Variants in PXDNL observed in about 807,000 individuals in gnomAD.
The protein encoded by PXDNL is probable oxidoreductase PXDNL.
Under a neutral mutation model 150.8 loss-of-function variants are expected in PXDNL, and 145 were observed. The ratio of observed to expected loss-of-function variants is 0.96; its 90% CI spans 0.84 to 1.10. PXDNL has a LOEUF of 1.10. Among genes scored for constraint, PXDNL ranks in the 50% least tolerant of loss-of-function variants. The pLI is 0.00. For missense variants in PXDNL, 2,087 were observed against 1,873.9 expected, an observed-to-expected ratio of 1.11 and a Z score of -2.10; for synonymous variants, 757 against 725.7, an observed-to-expected ratio of 1.04 and a Z score of -0.69.
chr8:51,780,574 C>T (rs751747531), intron 1 of PXDNL, among the ~76,000 whole-genome samples: 1 of 151,676 alleles, frequency 6.6e-6, no homozygotes, highest in Non-Finnish European at 1.5e-5. Context: ...AGCTTATAAA[C>T]GCATCTTACA....
intron 1 of PXDNL, among the ~76,000 whole-genome samples, chr8:51,696,390 A>G (rs1179471607): frequency 1.3e-5 from 2 of 152,232 alleles, no homozygotes; most frequent in East Asian, 3.9e-4. Flanking sequence ...AGCCAAGAAG[A>G]TTCTCACTAT....
chr8:51,571,254 C>A (rs189930278), intron 3 of PXDNL, among the ~76,000 whole-genome samples: 1 of 151,978 alleles, frequency 6.6e-6, no homozygotes, highest in East Asian at 1.9e-4. Flanking sequence ...GTTCAATCAT[C>A]ATTTTTGATT....
At chr8:51,529,026 G>A (rs1487728309) in intron 4 of PXDNL, among the ~76,000 whole-genome samples, 1 of 152,120 alleles carries the variant, frequency 6.6e-6, no homozygotes, top group East Asian at 1.9e-4. Flanking sequence ...TTATGGGAAC[G>A]AATATAGTTA....
intron 1 of PXDNL, among the ~76,000 whole-genome samples, chr8:51,662,154 T>C (rs929218069): frequency 2.0e-5 from 3 of 152,216 alleles, no homozygotes; most frequent in Non-Finnish European, 4.4e-5. Context: ...TCAATTATAA[T>C]TGGCCTTCCT....
Position 51,408,973 on chromosome 8 carries a change from C to G in PXDNL, c.2651G>C (p.Arg884Pro). 7 of 1,612,292 alleles carry G rather than the reference C, an allele frequency of 4.3e-6. No individual in the cohort carries two copies. The highest frequency in any genetic ancestry group is 1.7e-5 in the Admixed American group (1 of 60,026). Residue 884 changes from arginine to proline, a missense_variant, in exon 17 of 23, where the codon CGA (arginine) becomes CCA (proline). Coordinates refer to ENST00000356297, the MANE Select transcript of PXDNL (RefSeq NM_144651.5). ...GGCTGTTTGCTGGTTGATCTGCTCT[C>G]GTGCATAGACTGAATCCACCGTCGC... ...PSATVDSVYA[R>P]EQINQQTAYI...
intron 20 of PXDNL, among the ~76,000 whole-genome samples, chr8:51,341,861 T>A (rs1345712575): frequency 2.6e-5 from 4 of 152,186 alleles, no homozygotes; most frequent in Non-Finnish European, 5.9e-5. Context: ...TTGGTGGAAA[T>A]GTGGGTTGGA....
At chr8:51,753,357 C>A (rs1312894216) in intron 1 of PXDNL, among the ~76,000 whole-genome samples, 4 of 152,072 alleles carry the variant, frequency 2.6e-5, no homozygotes, top group Non-Finnish European at 5.9e-5. Context: ...GGCAGAATCC[C>A]TAACAAAGAG....
chr8:51,527,719 C>T (rs1368419531), intron 4 of PXDNL, among the ~76,000 whole-genome samples: 1 of 152,094 alleles, frequency 6.6e-6, no homozygotes, highest in African/African-American at 2.4e-5. Context: ...GGAGAGAGAA[C>T]CATCTGCAGG....
chr8:51,406,640 T>TA (rs1182072582), intron 17 of PXDNL, among the ~76,000 whole-genome samples: 2 of 152,188 alleles, frequency 1.3e-5, no homozygotes, highest in African/African-American at 2.4e-5. Context: ...TCTAGCCTCT[T>TA]ACACTTAAAC....
chr8:51,662,376 G>A (rs1815293111), intron 1 of PXDNL, among the ~76,000 whole-genome samples: 1 of 152,024 alleles, frequency 6.6e-6, no homozygotes, highest in Non-Finnish European at 1.5e-5. Flanking sequence ...AAATTAGCCG[G>A]GCATGGTGGC....
chr8:51,483,748 C>T lies in PXDNL; in HGVS notation c.453-34G>A, dbSNP rs1018734592. The T allele has an allele frequency of 3.4e-6, 4 of 1,170,398 alleles. No homozygotes were observed. The African/African-American group carries it at 4.7e-5, about 14-fold the overall frequency. 72.5% of individuals were successfully genotyped at this position (1,170,398 alleles called of 1,614,324 possible). On this transcript the variant is annotated intron_variant, in intron 5 of 22. Transcript: ENST00000356297. ...GAAAAGATAAACTTTAATCACCATA[C>T]AATAATAATGAATTTGACAAACAAA...
chr8:51,646,829 G>C (rs977922995), intron 2 of PXDNL, among the ~76,000 whole-genome samples: 4 of 152,068 alleles, frequency 2.6e-5, no homozygotes, highest in Non-Finnish European at 5.9e-5. Flanking sequence ...GAGAGATAGG[G>C]GACAACCGCA....
In PXDNL at chr8:51,565,321, A is replaced by ATAGATAGATAG. The variant is rs1812800504; in HGVS notation, c.309-8411_309-8410insCTATCTATCTA. ...AAATAAATAAATAAATAAATAAATA[A>ATAGATAGATAG]ATAGATAGATAGATAGATAGATAAA... On this transcript the variant is annotated intron_variant, in intron 3 of 22. Transcript: ENST00000356297. 2.4e-3 allele frequency among the ~76,000 whole-genome samples: 323 copies of ATAGATAGATAG among 135,562 alleles called. 1 individual carries two copies. The highest frequency in any genetic ancestry group is 9.7e-3 in the African/African-American group (302 of 31,184). 88.9% of individuals were successfully genotyped at this position (135,562 alleles called of 152,430 possible). A position where few individuals can be genotyped will look rare whatever the true frequency, so the allele number is the denominator to read the frequency against.
intron 19 of PXDNL, among the ~76,000 whole-genome samples, chr8:51,355,399 C>T (rs1049759812): frequency 2.6e-5 from 4 of 152,080 alleles, no homozygotes; most frequent in Non-Finnish European, 5.9e-5. Context: ...CTTAATGTGA[C>T]GTATGCAGCT....
chr8:51,592,122 A>G (rs147094808), intron 3 of PXDNL, among the ~76,000 whole-genome samples: 274 of 152,314 alleles, frequency 1.8e-3, no homozygotes, highest in Middle Eastern at 6.8e-3. Flanking sequence ...CCAATAATAC[A>G]CAAAAACCAT....
intron 5 of PXDNL, among the ~76,000 whole-genome samples, chr8:51,486,794 A>ATATTT (rs1810773699): frequency 4.0e-5 from 1 of 24,714 alleles, no homozygotes; most frequent in African/African-American, 1.8e-4. Context: ...ATATATATAT[A>ATATTT]TTTTTTTTTT....
chr8:51,494,672 A>G (rs1811000536), intron 5 of PXDNL, among the ~76,000 whole-genome samples: 1 of 152,174 alleles, frequency 6.6e-6, no homozygotes, highest in Non-Finnish European at 1.5e-5. Context: ...AAAGATCAAA[A>G]GAGACAAAGA....
chr8:51,426,710 C>A lies in PXDNL; in HGVS notation c.1574G>T (p.Gly525Val). Residue 525 changes from glycine to valine, a missense_variant, in exon 13 of 23, where the codon GGA becomes GTA. By Grantham distance (109) the Gly-to-Val change is moderately radical (BLOSUM62 -3). Coordinates refer to ENST00000356297, the MANE Select transcript of PXDNL (RefSeq NM_144651.5). ...QLPQDTSVEV[G>V]KNINISCHAQ... ...ATGACATGAAATGTTTATATTCTTTCCAACCTCGACACTTGTATCCTGAGG... is the reference window on the plus strand; with the variant it reads ...ATGACATGAAATGTTTATATTCTTTACAACCTCGACACTTGTATCCTGAGG... 1 of 1,607,656 alleles carries A rather than the reference C, an allele frequency of 6.2e-7. No individual in the cohort carries two copies. Among genetic ancestry groups the A allele is most frequent in the East Asian group, 2.2e-5 (1 of 44,786 alleles).
At chr8:51,643,031 T>G (rs200621995) in intron 2 of PXDNL, among the ~76,000 whole-genome samples, 1 of 152,004 alleles carries the variant, frequency 6.6e-6, no homozygotes. Flanking sequence ...CACTGCTCAA[T>G]GAAATAAAAG....
Sources: gnomAD v4.1 joint callset for allele counts (sites outside exome capture counted in the v4.1 genomes callset) on GRCh38, gnomAD v4.1.1 for gene constraint, MANE v1.5 for transcripts, NCBI Gene and HGNC (gene_info 2026-07-23, HGNC 2026-07-21) for gene names.